The following SNCAIP variants were observed in gnomAD, a reference collection of about 807,000 sequenced individuals.
SNCAIP encodes synuclein alpha interacting protein, also known as synphilin-1.
Under a neutral mutation model 86.7 loss-of-function variants are expected in SNCAIP, and 43 were observed. That is an observed-to-expected ratio of 0.50 (90% CI 0.39 to 0.64). SNCAIP has a LOEUF of 0.64. Ranked by LOEUF, SNCAIP falls within the 30% of genes least tolerant of loss-of-function variation. The pLI, the probability that SNCAIP is intolerant of heterozygous loss-of-function variation, is 0.00. For missense variants in SNCAIP, 981 were observed against 1,103.1 expected, an observed-to-expected ratio of 0.89 and a Z score of 1.57; for synonymous variants, 417 against 427.2, an observed-to-expected ratio of 0.98 and a Z score of 0.29.
At chr5:122,462,700 A>G (rs888282545) in intron 10 of SNCAIP, among the ~76,000 whole-genome samples, 1 of 152,202 alleles carries the variant, frequency 6.6e-6, no homozygotes, top group African/African-American at 2.4e-5. Flanking sequence ...CCTGCATCCA[A>G]ATGTGGTCTC....
Position 122,451,410 on chromosome 5 carries a change from G to A in SNCAIP, c.2563G>A (p.Asp855Asn), listed in dbSNP as rs1251760743. 1 of 1,614,094 alleles carries A rather than the reference G, an allele frequency of 6.2e-7. No homozygotes were observed. Among genetic ancestry groups the A allele is most frequent in the South Asian group, 1.1e-5 (1 of 91,076 alleles). Residue 855 changes from aspartate to asparagine, a missense_variant, in exon 10 of 11, where the codon GAT becomes AAT. Transcript: ENST00000261368. ...QRTSTSNESG[D>N]QLKRPFGAFR... ...GACCTCCACAAGTAACGAATCGGGG[G>A]ATCAACTGAAAAGGCCTTTTGGAGC...
At chr5:122,321,552 C>T (rs939646809) in intron 1 of SNCAIP, 2 of 152,224 alleles carry the variant, frequency 1.3e-5, no homozygotes, top group African/African-American at 4.8e-5. Context: ...ATGTCTTTGT[C>T]ATCTTTCTAT....
At chr5:122,461,210 T>C (rs1786139056) in intron 10 of SNCAIP, among the ~76,000 whole-genome samples, 1 of 152,222 alleles carries the variant, frequency 6.6e-6, no homozygotes, top group South Asian at 2.1e-4. Context: ...CTAATGTGTC[T>C]GTTGAGAAGC....
chr5:122,411,184 A>C (rs186154055), intron 3 of SNCAIP, among the ~76,000 whole-genome samples: 1 of 152,334 alleles, frequency 6.6e-6, no homozygotes, highest in Non-Finnish European at 1.5e-5. Context: ...AGGATGAAAA[A>C]TGGGAAGTCC....
At chr5:122,392,248 CT>C (rs950515448) in intron 2 of SNCAIP, among the ~76,000 whole-genome samples, 73 of 148,498 alleles carry the variant, frequency 4.9e-4, no homozygotes, top group African/African-American at 9.1e-4. Context: ...TTGGATGAGT[CT>C]TTTTTTTTTG....
At position 122,403,832 on chromosome 5, in the gene SNCAIP, C is replaced by T. The variant is rs768534871; in HGVS notation, c.97C>T (p.Arg33Ter). ...ACTCAAGACGATCCCAGAACTGTGC[C>T]GAAGATGTGATACGCAAAACGAAGA... ...TSLKTIPELC[R>*]RCDTQNEDRS... is the part of the protein sequence containing the mutation. The change falls in exon 3 of 11, where the codon CGA becomes TGA. Residue 33 changes from arginine (R) to a stop codon, truncating the protein, a stop_gained. Coordinates refer to ENST00000261368, the MANE Select transcript of SNCAIP (RefSeq NM_005460.4). LOFTEE classifies it high-confidence loss of function. 2 of 1,613,754 alleles carry T rather than the reference C, an allele frequency of 1.2e-6. No individual in the cohort carries two copies. The highest frequency in any genetic ancestry group is 2.2e-5 in the East Asian group (1 of 44,876).
At position 122,423,127 on chromosome 5, in the gene SNCAIP, A is replaced by G; in HGVS notation, c.390A>G (p.Pro130=). 1 of 1,614,154 alleles carries G rather than the reference A, an allele frequency of 6.2e-7. No individual in the cohort carries two copies. The highest frequency in any genetic ancestry group is 8.5e-7 in the Non-Finnish European group (1 of 1,180,032). ...LGPGDGVGGP[P]GKSSEPSTSL... Reference sequence around the variant, plus strand: ...CTGGAGATGGAGTGGGCGGCCCACCAGGTAAGAGCTCTGAGCCCAGCACAT... The same window carrying G: ...CTGGAGATGGAGTGGGCGGCCCACCGGGTAAGAGCTCTGAGCCCAGCACAT... The change falls in exon 4 of 11, where the codon CCA becomes CCG. Residue 130 remains proline (P), a synonymous_variant. Transcript: ENST00000261368.
At position 122,331,749 on chromosome 5, in the gene SNCAIP, C is replaced by T. The variant is rs550548922; in HGVS notation, c.-47+19465C>T. 5.3e-5 allele frequency among the ~76,000 whole-genome samples: 8 copies of T among 152,312 alleles called. No homozygotes were observed. In the East Asian group the frequency reaches 9.7e-4, roughly 18 times the overall value. On this transcript the variant is annotated intron_variant, in intron 1 of 10. Coordinates refer to ENST00000261368, the MANE Select transcript of SNCAIP (RefSeq NM_005460.4). ...TTAATGTCTCCACTTAATCCCGTAT[C>T]GTTCTCTGTAACTTCACTTTGCATT...
chr5:122,412,138 C>T (rs1774267397), intron 3 of SNCAIP, among the ~76,000 whole-genome samples: 1 of 152,080 alleles, frequency 6.6e-6, no homozygotes, highest in Non-Finnish European at 1.5e-5. Flanking sequence ...TCCTTTTCTC[C>T]CTCCACCTTC....
intron 8 of SNCAIP, 90 bp from the exon 9 acceptor site, chr5:122,449,755 A>T: frequency 1.1e-6 from 1 of 903,638 alleles, no homozygotes; most frequent in Non-Finnish European, 1.9e-6. Flanking sequence ...ATTGCAACTT[A>T]CTGGAAATTA....
At chr5:122,416,862 C>G (rs768368964) in intron 3 of SNCAIP, among the ~76,000 whole-genome samples, 35 of 152,134 alleles carry the variant, frequency 2.3e-4, no homozygotes, top group Non-Finnish European at 4.3e-4. Context: ...AAAGTATGTC[C>G]TTGAAGGCGC....
intron 1 of SNCAIP, among the ~76,000 whole-genome samples, chr5:122,385,660 C>T (rs997222836): frequency 6.0e-5 from 9 of 148,912 alleles, no homozygotes; most frequent in East Asian, 2.0e-4. Context: ...GGCAGGCATG[C>T]GTGTGCGCAC....
intron 3 of SNCAIP, among the ~76,000 whole-genome samples, chr5:122,412,905 T>C (rs958618181): frequency 2.6e-5 from 4 of 152,250 alleles, no homozygotes; most frequent in South Asian, 4.1e-4. Context: ...CACCAGGTCT[T>C]GAGTCTCTGT....
chr5:122,327,112 C>T (rs1754264634), intron 1 of SNCAIP, among the ~76,000 whole-genome samples: 1 of 151,276 alleles, frequency 6.6e-6, no homozygotes, highest in Admixed American at 6.6e-5. Flanking sequence ...TATTTTTTGC[C>T]TCAAGTGAAA....
chr5:122,393,669 G>C (rs747383311), intron 2 of SNCAIP, among the ~76,000 whole-genome samples: 1 of 152,136 alleles, frequency 6.6e-6, no homozygotes, highest in Non-Finnish European at 1.5e-5. Flanking sequence ...ATCCTGCAAT[G>C]CACAGCACAA....
chr5:122,372,582 C>T (rs971461610), intron 1 of SNCAIP, among the ~76,000 whole-genome samples: 1 of 152,164 alleles, frequency 6.6e-6, no homozygotes, highest in African/African-American at 2.4e-5. Context: ...CCAGATTACT[C>T]GAGCAATGTA....
rs1404231894 is a variant in SNCAIP at position 122,452,876 on chromosome 5, G to A, written c.2754+1275G>A. The A allele has an allele frequency of 4.2e-6, 5 of 1,178,686 alleles. No homozygotes were observed. In the Admixed American group the frequency reaches 9.9e-5, roughly 23 times the overall value. 73.0% of individuals were successfully genotyped at this position (1,178,686 alleles called of 1,614,324 possible). A position where few individuals can be genotyped will look rare whatever the true frequency, so the allele number is the denominator to read the frequency against. ...CATGTTTACTGGGACTTGTGCATGTGCTGAGCTTGTTGCATGTTTTCAGAT... is the reference window on the plus strand; with the variant it reads ...CATGTTTACTGGGACTTGTGCATGTACTGAGCTTGTTGCATGTTTTCAGAT... On this transcript the variant is annotated intron_variant, in intron 10 of 10. Coordinates refer to ENST00000261368, the MANE Select transcript of SNCAIP (RefSeq NM_005460.4).
intron 2 of SNCAIP, chr5:122,401,075 CA>C (rs1771714789): frequency 1.3e-6 from 2 of 1,549,952 alleles, no homozygotes; most frequent in East Asian, 2.4e-5. Flanking sequence ...CCCATAGGGC[CA>C]AACTGACAGT....
Position 122,450,785 on chromosome 5 carries a change from G to C in SNCAIP, c.1938G>C (p.Gln646His), listed in dbSNP as rs1380257958. The C allele has an allele frequency of 1.2e-6, 2 of 1,614,042 alleles. No individual in the cohort carries two copies. The highest frequency in any genetic ancestry group is 4.5e-5 in the East Asian group (2 of 44,874). ...EKLSLEFQDA[Q>H]ASSRNSKKIP... is the part of the protein sequence containing the mutation. ...TGTCCTTGGAATTCCAGGATGCTCA[G>C]GCTTCCTCTAGAAATTCTAAAAAGA... is the stretch of plus-strand genomic sequence containing the variant. The change falls in exon 10 of 11, where the codon CAG becomes CAC. Residue 646 changes from glutamine (Q) to histidine (H), a missense_variant. Transcript: ENST00000261368.
Sources: gnomAD v4.1 joint callset for allele counts (sites outside exome capture counted in the v4.1 genomes callset) on GRCh38, gnomAD v4.1.1 for gene constraint, MANE v1.5 for transcripts, NCBI Gene and HGNC (gene_info 2026-07-23, HGNC 2026-07-21) for gene names.